FAM227B: variants seen among roughly 807,000 people sequenced by gnomAD.
FAM227B encodes family with sequence similarity 227 member B, also known as protein FAM227B.
A neutral mutation model predicts 73.8 loss-of-function variants in FAM227B; 88 were observed. The ratio of observed to expected loss-of-function variants is 1.19; its 90% CI spans 1.00 to 1.42. The LOEUF (loss-of-function observed/expected upper bound fraction) is 1.42. FAM227B is among the 40% of genes most tolerant of loss of function. FAM227B has a pLI of 0.00. For missense variants in FAM227B, 632 were observed against 590.9 expected (o/e 1.07, Z -0.72); for synonymous variants, 210 against 190.5 (o/e 1.10, Z -0.84).
intron 11 of FAM227B, among the ~76,000 whole-genome samples, chr15:49,433,969 G>A (rs1169038099): frequency 6.6e-6 from 1 of 151,758 alleles, no homozygotes; most frequent in African/African-American, 2.4e-5. Context: ...TGGGGCAGGG[G>A]TCTGCCTACT....
chr15:49,418,562 A>G (rs2049375746), intron 11 of FAM227B, among the ~76,000 whole-genome samples: 1 of 152,164 alleles, frequency 6.6e-6, no homozygotes, highest in South Asian at 2.1e-4. Context: ...ATCAAATATC[A>G]TATTCTCCCA....
intron 11 of FAM227B, among the ~76,000 whole-genome samples, chr15:49,500,205 T>TA (rs1238990100): frequency 6.6e-6 from 1 of 152,202 alleles, no homozygotes; most frequent in African/African-American, 2.4e-5. Flanking sequence ...ATCCTGTCTT[T>TA]AAAAACGAAC....
chr15:49,597,572 G>GAAACC (rs2076954896), intron 3 of FAM227B, among the ~76,000 whole-genome samples: 1 of 151,826 alleles, frequency 6.6e-6, no homozygotes, highest in Non-Finnish European at 1.5e-5. Flanking sequence ...AGAGAAAACA[G>GAAACC]AAACCAAACC....
chr15:49,527,322 C>A (rs929724836), intron 10 of FAM227B, among the ~76,000 whole-genome samples: 8 of 151,678 alleles, frequency 5.3e-5, no homozygotes, highest in African/African-American at 1.9e-4. Flanking sequence ...AATAAGCATT[C>A]AACAAAATCC....
chr15:49,436,339 T>C (rs1300652581), intron 11 of FAM227B, among the ~76,000 whole-genome samples: 4 of 151,606 alleles, frequency 2.6e-5, no homozygotes, highest in Non-Finnish European at 4.4e-5. Flanking sequence ...CATTGTGTGA[T>C]TAACATCATT....
Position 49,607,480 on chromosome 15 carries a change from T to G in FAM227B, c.105+3735A>C, listed in dbSNP as rs117969833. On this transcript the variant is annotated intron_variant, in intron 3 of 15. Coordinates refer to ENST00000299338, the MANE Select transcript of FAM227B (RefSeq NM_152647.3). ...ATGGCAGCCACATTTGAAAACACAG[T>G]CCTTATGAGTCATGTGTTGCTATTG... Among the ~76,000 whole-genome samples the G allele has an allele frequency of 3.7e-3, 570 of 152,206 alleles. 1 individual carries two copies. Among genetic ancestry groups the G allele is most frequent in the Non-Finnish European group, 5.8e-3 (392 of 67,998 alleles).
Position 49,366,323 on chromosome 15 carries a change from A to T in FAM227B, c.1271+1125T>A, listed in dbSNP as rs921820375. Reference sequence around the variant, plus strand: ...TTCAGATCTGTTACCTGAGGTAGGAAATAGGATACTGTTATTGACAACCAA... The same window carrying T: ...TTCAGATCTGTTACCTGAGGTAGGATATAGGATACTGTTATTGACAACCAA... On this transcript the variant is annotated intron_variant, in intron 13 of 15. Coordinates refer to ENST00000299338, the MANE Select transcript of FAM227B (RefSeq NM_152647.3). 32 of 786,764 alleles carry T rather than the reference A, an allele frequency of 4.1e-5. No individual in the cohort carries two copies. In the Admixed American group the frequency reaches 5.4e-4, roughly 13 times the overall value. The allele number at this position is 786,764 out of a possible 1,614,324, so 48.7% of individuals were successfully genotyped here. A position where few individuals can be genotyped will look rare whatever the true frequency, so the allele number is the denominator to read the frequency against.
intron 3 of FAM227B, among the ~76,000 whole-genome samples, chr15:49,604,596 A>T (rs1207414281): frequency 6.6e-6 from 1 of 151,750 alleles, no homozygotes; most frequent in African/African-American, 2.4e-5. Flanking sequence ...TTGCTCTCTC[A>T]ATTTAGGAAT....
At chr15:49,447,028 C>T (rs1034221701) in intron 11 of FAM227B, among the ~76,000 whole-genome samples, 26 of 151,482 alleles carry the variant, frequency 1.7e-4, no homozygotes, top group African/African-American at 6.0e-4. Context: ...GGTGCGGGAA[C>T]TCATCCTGAA....
At chr15:49,413,347 A>G (rs979664218) in intron 11 of FAM227B, among the ~76,000 whole-genome samples, 1 of 151,818 alleles carries the variant, frequency 6.6e-6, no homozygotes, top group Admixed American at 6.6e-5. Context: ...TCTGTGTAAG[A>G]CCTGACATGC....
intron 3 of FAM227B, among the ~76,000 whole-genome samples, chr15:49,598,415 C>A (rs1163400947): frequency 6.6e-6 from 1 of 151,910 alleles, no homozygotes; most frequent in Admixed American, 6.6e-5. Flanking sequence ...GACAATTTTA[C>A]TTCTTCCTTT....
chr15:49,509,484 C>T (rs1229763410), intron 10 of FAM227B, among the ~76,000 whole-genome samples: 1 of 152,080 alleles, frequency 6.6e-6, no homozygotes, highest in Non-Finnish European at 1.5e-5. Context: ...GCGCAAAAGT[C>T]ATTTCAATCT....
intron 11 of FAM227B, among the ~76,000 whole-genome samples, chr15:49,439,547 A>G (rs888873875): frequency 1.3e-5 from 2 of 151,788 alleles, no homozygotes; most frequent in Non-Finnish European, 2.9e-5. Context: ...TTTTTAGTCA[A>G]GTTGAAATTC....
At chr15:49,411,833 G>C (rs920399636) in intron 11 of FAM227B, among the ~76,000 whole-genome samples, 1 of 152,028 alleles carries the variant, frequency 6.6e-6, no homozygotes, top group African/African-American at 2.4e-5. Context: ...TTGCTTCGCA[G>C]ACATTTCCAA....
intron 11 of FAM227B, among the ~76,000 whole-genome samples, chr15:49,413,340 G>A (rs1426333875): frequency 2.0e-5 from 3 of 151,976 alleles, no homozygotes; most frequent in African/African-American, 7.2e-5. Flanking sequence ...GCTACCATCT[G>A]TGTAAGACCT....
At chr15:49,497,951 C>T (rs2057771476) in intron 11 of FAM227B, among the ~76,000 whole-genome samples, 1 of 152,164 alleles carries the variant, frequency 6.6e-6, no homozygotes, top group African/African-American at 2.4e-5. Context: ...AACTGGAAAA[C>T]AAGTAAATTT....
At position 49,589,514 on chromosome 15, in the gene FAM227B, T is replaced by A. The variant is rs145328102; in HGVS notation, c.337+262A>T. ...TAAAATAAAATATTTTTAATATTTG[T>A]ACCTTAGAATTTCATTCTTTATGAG... On this transcript the variant is annotated intron_variant, in intron 4 of 15. Transcript: ENST00000299338. Among the ~76,000 whole-genome samples, 186 of 151,568 alleles carry A rather than the reference T, an allele frequency of 1.2e-3. 3 individuals are homozygous for A. The East Asian group carries it at 0.016, about 13-fold the overall frequency.
chr15:49,503,851 T>C (rs2058356229), intron 11 of FAM227B, among the ~76,000 whole-genome samples: 1 of 152,320 alleles, frequency 6.6e-6, no homozygotes, highest in South Asian at 2.1e-4. Flanking sequence ...GTTCAACCAT[T>C]GTGGAAGTCA....
At chr15:49,583,368 G>A (rs763259043) in intron 5 of FAM227B, among the ~76,000 whole-genome samples, 3 of 151,656 alleles carry the variant, frequency 2.0e-5, no homozygotes, top group Non-Finnish European at 2.9e-5. Context: ...TAAAGGAGGC[G>A]GCCAAAACCC....
Sources: gnomAD v4.1 joint callset for allele counts (sites outside exome capture counted in the v4.1 genomes callset) on GRCh38, gnomAD v4.1.1 for gene constraint, MANE v1.5 for transcripts, NCBI Gene and HGNC (gene_info 2026-07-23, HGNC 2026-07-21) for gene names.